LAX1: variants seen among roughly 807,000 people sequenced by gnomAD.
LAX1 encodes lymphocyte transmembrane adapter 1.
In LAX1, 17 loss-of-function variants were observed where a neutral mutation model predicts 20.7. The observed-to-expected ratio is 0.82, with a 90% CI of 0.56 to 1.23. LAX1 has a LOEUF of 1.23. Among genes scored for constraint, LAX1 ranks in the 50% most tolerant of loss-of-function variants. The pLI, the probability that LAX1 is intolerant of heterozygous loss-of-function variation, is 0.00. For synonymous variants in LAX1, 165 were observed against 181.0 expected (o/e 0.91, Z 0.71); for missense variants, 470 against 487.0 (o/e 0.97, Z 0.33).
At chr1:203,771,687 T>C (rs1341820173) in intron 3 of LAX1, among the ~76,000 whole-genome samples, 2 of 152,098 alleles carry the variant, frequency 1.3e-5, no homozygotes, top group African/African-American at 4.8e-5. Flanking sequence ...TCATCTGGGC[T>C]GGGAGTTTTG....
In LAX1 at chr1:203,774,411, T is replaced by C; in HGVS notation, c.927T>C (p.Ala309=). The C allele has an allele frequency of 6.2e-7, 1 of 1,614,230 alleles. No homozygotes were observed. Among genetic ancestry groups the C allele is most frequent in the Non-Finnish European group, 8.5e-7 (1 of 1,180,044 alleles). Residue 309 remains alanine, a synonymous_variant, in exon 5 of 5, where the codon GCT becomes GCC. Transcript: ENST00000442561. ...AADPSGSQQQ[A]EKDVPSSNIG... is the part of the protein sequence containing the mutation. The stretch of plus-strand genomic sequence containing the variant: ...ATCCCAGTGGAAGCCAGCAGCAGGC[T>C]GAGAAAGATGTGCCATCCTCAAACA...
intron 1 of LAX1, among the ~76,000 whole-genome samples, chr1:203,766,622 TTTTA>T (rs930368837): frequency 6.6e-6 from 1 of 152,248 alleles, no homozygotes; most frequent in Non-Finnish European, 1.5e-5. Flanking sequence ...CTTCATTTAT[TTTTA>T]TTTATTTCTA....
intron 1 of LAX1, among the ~76,000 whole-genome samples, chr1:203,767,550 C>T (rs1193708075): frequency 2.0e-5 from 3 of 151,828 alleles, no homozygotes; most frequent in East Asian, 3.9e-4. Context: ...TCAGGTGATC[C>T]GCCCACCTCC....
At position 203,776,098 on chromosome 1, in the gene LAX1, C is replaced by A. The variant is rs1344405650; in HGVS notation, c.*1417C>A. 1.3e-5 allele frequency: 2 copies of A among 152,178 alleles called. No homozygotes were observed. The highest frequency in any genetic ancestry group is 3.9e-4 in the East Asian group (2 of 5,194). The allele number at this position is 152,178 out of a possible 1,614,324, so 9.4% of individuals were successfully genotyped here. A position where few individuals can be genotyped will look rare whatever the true frequency, so the allele number is the denominator to read the frequency against. On this transcript the variant is annotated 3_prime_UTR_variant, in exon 5 of 5. Transcript: ENST00000442561. ...TTTGCGGGGCCGAGGCAGGGGAACA[C>A]AAGGTCAGGAGATCAAGACTGTCCT...
At chr1:203,769,763 C>T (rs1667371081) in intron 1 of LAX1, 1 of 91,474 alleles carries the variant, frequency 1.1e-5, no homozygotes, top group Non-Finnish European at 2.0e-5. Context: ...ACCAGCTCCA[C>T]AAATTGGTGC....
intron 1 of LAX1, among the ~76,000 whole-genome samples, chr1:203,769,397 A>AAAAGAAAGGAAAG (rs1553254196): frequency 9.1e-5 from 7 of 76,760 alleles, no homozygotes; most frequent in African/African-American, 3.8e-4. Context: ...GTCTCAAAAA[A>AAAAGAAAGGAAAG]AAAGAAAGAA....
In LAX1 at chr1:203,771,463, G is replaced by A. The variant is rs545406226; in HGVS notation, c.296G>A (p.Arg99Gln). ...AKNIYDILPW[R>Q]QEDLGRHESR... Reference sequence around the variant, plus strand: ...AATATTTATGACATCTTGCCTTGGCGACAGGAAGACCTGGGTAGGTTTTTC... The same window carrying A: ...AATATTTATGACATCTTGCCTTGGCAACAGGAAGACCTGGGTAGGTTTTTC... The change falls in exon 3 of 5, where the codon CGA becomes CAA. Residue 99 changes from arginine (R) to glutamine (Q), a missense_variant. By Grantham distance (43) the Arg-to-Gln change is conservative (BLOSUM62 1). Transcript: ENST00000442561. The A allele has an allele frequency of 9.1e-5, 146 of 1,607,072 alleles. 1 individual carries two copies. In the South Asian group the frequency reaches 9.4e-4, roughly 10 times the overall value.
At chr1:203,773,830 A>G (rs1335743735) in intron 4 of LAX1, 45 bp from the exon 5 acceptor site, 1 of 868,774 alleles carries the variant, frequency 1.2e-6, no homozygotes, top group Admixed American at 3.8e-5. Context: ...CTTTGTCCAT[A>G]TTTCTGCTTG....
chr1:203,769,400 A>AGAAAG (rs1286347230), intron 1 of LAX1, among the ~76,000 whole-genome samples: 112 of 70,354 alleles, frequency 1.6e-3, no homozygotes, highest in African/African-American at 4.1e-3. Flanking sequence ...TCAAAAAAAA[A>AGAAAG]GAAAGAAAGA....
chr1:203,773,202 T>C (rs1667449628), intron 4 of LAX1, among the ~76,000 whole-genome samples: 1 of 152,142 alleles, frequency 6.6e-6, no homozygotes, highest in East Asian at 1.9e-4. Flanking sequence ...GTAGCTGATA[T>C]AGAAAGTGTT....
In LAX1 at chr1:203,774,706, C is replaced by T; in HGVS notation, c.*25C>T. ...AAGACCCAGGTACCCAGCCATAAAG[C>T]CACATTGAGTAGTCTATCCCATAGG... On this transcript the variant is annotated 3_prime_UTR_variant, in exon 5 of 5. Transcript: ENST00000442561. 3.1e-6 allele frequency: 5 copies of T among 1,594,436 alleles called. No homozygotes were observed. The highest frequency in any genetic ancestry group is 4.3e-6 in the Non-Finnish European group (5 of 1,166,260).
chr1:203,771,258 A>C (rs1667416103), intron 2 of LAX1, 109 bp from the exon 3 acceptor site: 6 of 785,552 alleles, frequency 7.6e-6, no homozygotes. Flanking sequence ...TTTTTGTGAG[A>C]ACTGGCAAGG....
At chr1:203,773,438 G>T (rs1667453173) in intron 4 of LAX1, among the ~76,000 whole-genome samples, 1 of 152,112 alleles carries the variant, frequency 6.6e-6, no homozygotes, top group South Asian at 2.1e-4. Flanking sequence ...TGGGCGACGA[G>T]AGCGAAACTC....
rs879188496 is a variant in LAX1 at position 203,770,457 on chromosome 1, GGAAGGAAGGAAGGA to G, written c.90-370_90-357del. Reference sequence around the variant, plus strand: ...AAAGAGAGAGAGAGAGAGAGAGAAAGGAAGGAAGGAAGGAAGGAAGGAAGGAAGGAAGGAAGGAA... The same window carrying G: ...AAAGAGAGAGAGAGAGAGAGAGAAAGAGGAAGGAAGGAAGGAAGGAAGGAA... On this transcript the variant is annotated intron_variant, in intron 1 of 4. Transcript: ENST00000442561. Among the ~76,000 whole-genome samples, 105 of 28,914 alleles carry G rather than the reference GGAAGGAAGGAAGGA, an allele frequency of 3.6e-3. 15 individuals carry two copies. Among genetic ancestry groups the G allele is most frequent in the Admixed American group, 5.9e-3 (9 of 1,518 alleles). 19.0% of individuals were successfully genotyped at this position (28,914 alleles called of 152,430 possible).
chr1:203,767,464 T>C (rs887695065), intron 1 of LAX1, among the ~76,000 whole-genome samples: 3 of 151,100 alleles, frequency 2.0e-5, no homozygotes, highest in Non-Finnish European at 4.4e-5. Flanking sequence ...TGAGCCACCA[T>C]GCCTGGCTAA....
Position 203,774,811 on chromosome 1 carries a change from C to G in LAX1, c.*130C>G, listed in dbSNP as rs569206573. The G allele has an allele frequency of 2.7e-6, 2 of 736,866 alleles. No homozygotes were observed. Among genetic ancestry groups the G allele is most frequent in the Non-Finnish European group, 2.2e-6 (1 of 457,426 alleles). The allele number at this position is 736,866 out of a possible 1,614,324, so 45.6% of individuals were successfully genotyped here. A position where few individuals can be genotyped will look rare whatever the true frequency, so the allele number is the denominator to read the frequency against. On this transcript the variant is annotated 3_prime_UTR_variant, in exon 5 of 5. Transcript: ENST00000442561. ...ATTCACTGGTTAGATTAAAAAGAGG[C>G]TGAGATGAGCAGTGAACTAAGAGGC...
At chr1:203,770,637 C>G (rs527822764) in intron 1 of LAX1, among the ~76,000 whole-genome samples, 191 bp from the exon 2 acceptor site, 1 of 152,046 alleles carries the variant, frequency 6.6e-6, no homozygotes, top group Admixed American at 6.6e-5. Flanking sequence ...GTTCCCTTCT[C>G]CCCTGTCCAA....
Position 203,771,355 on chromosome 1 carries a change from A to G in LAX1, c.200-12A>G, listed in dbSNP as rs1667417964. On this transcript the variant is annotated splice_polypyrimidine_tract_variant and intron_variant, in intron 2 of 4. Transcript: ENST00000442561. ...CCCCGCCATGACTCCCATCTCTCTC[A>G]TTGCCTTGCAGGACAAGTTCCTTAC... The G allele has an allele frequency of 6.4e-7, 1 of 1,561,756 alleles. No individual in the cohort carries two copies. Among genetic ancestry groups the G allele is most frequent in the Non-Finnish European group, 8.8e-7 (1 of 1,132,436 alleles).
intron 1 of LAX1, among the ~76,000 whole-genome samples, chr1:203,766,487 A>G (rs1347710325): frequency 6.6e-6 from 1 of 152,190 alleles, no homozygotes; most frequent in African/African-American, 2.4e-5. Flanking sequence ...CAAAAAATAA[A>G]ATAAAATTGC....
Sources: gnomAD v4.1 joint callset for allele counts (sites outside exome capture counted in the v4.1 genomes callset) on GRCh38, gnomAD v4.1.1 for gene constraint, MANE v1.5 for transcripts, NCBI Gene and HGNC (gene_info 2026-07-23, HGNC 2026-07-21) for gene names.